LRRC37A2: variants seen among roughly 807,000 people sequenced by gnomAD.
LRRC37A2 encodes the protein leucine rich repeat containing 37 member A2.
LRRC37A2 carries 9 observed loss-of-function variants against 68.8 expected under a neutral mutation model. The ratio of observed to expected loss-of-function variants is 0.13; its 90% confidence interval spans 0.08 to 0.23. The LOEUF (loss-of-function observed/expected upper bound fraction) is 0.23, where lower values mean the gene tolerates loss of function less well. LRRC37A2 is among the 10% of genes least tolerant of loss of function. LRRC37A2 has a pLI of 1.00. For synonymous variants in LRRC37A2, 63 were observed against 367.6 expected, an observed-to-expected ratio of 0.17 and a Z score of 9.48; for missense variants, 168 against 950.4, an observed-to-expected ratio of 0.18 and a Z score of 10.82.
At chr17:46,841,309 A>G in the LRRC37A2 span, among the ~76,000 whole-genome samples, 2 of 152,212 alleles carry the variant, frequency 1.3e-5, no homozygotes, top group African/African-American at 4.8e-5. Flanking sequence ...GCTAGGAAGG[A>G]AAGCCAGAAG....
the LRRC37A2 span, chr17:46,876,591 G>T: frequency 6.2e-7 from 1 of 1,613,322 alleles, no homozygotes; most frequent in Non-Finnish European, 8.5e-7. Flanking sequence ...AGCCTGTGCT[G>T]CGGGCGGGGC....
chr17:46,864,399 C>A, the LRRC37A2 span, among the ~76,000 whole-genome samples: 1 of 152,138 alleles, frequency 6.6e-6, no homozygotes, highest in African/African-American at 2.4e-5. Context: ...CTCTATCTAG[C>A]CAAGTATGTT....
chr17:46,734,905 G>T, the LRRC37A2 span, among the ~76,000 whole-genome samples: 1 of 152,066 alleles, frequency 6.6e-6, no homozygotes, highest in South Asian at 2.1e-4. Context: ...AAAAAAGTTA[G>T]TCGAATGTGG....
At chr17:46,541,934 T>G (rs2145585111) in intron 8 of LRRC37A2, among the ~76,000 whole-genome samples, 1 of 145,194 alleles carries the variant, frequency 6.9e-6, no homozygotes, top group East Asian at 2.0e-4. Flanking sequence ...CTGAGTAGTA[T>G]TCCGGTTGTG....
At chr17:46,496,582 A>G in the LRRC37A2 span, among the ~76,000 whole-genome samples, 1 of 143,248 alleles carries the variant, frequency 7.0e-6, no homozygotes, top group South Asian at 2.2e-4. Context: ...CAGCCTGGGA[A>G]GCAGAGCAAG....
At chr17:46,752,975 G>A in the LRRC37A2 span, among the ~76,000 whole-genome samples, 3 of 152,064 alleles carry the variant, frequency 2.0e-5, no homozygotes, top group African/African-American at 7.3e-5. Context: ...CACCATGTTG[G>A]CCAAGCCGGT....
the LRRC37A2 span, among the ~76,000 whole-genome samples, chr17:46,845,753 G>T: frequency 0.2 from 28,837 of 146,658 alleles, 3,476 homozygotes; most frequent in East Asian, 0.5. Context: ...CTCCCAAAGT[G>T]CAGGGATTAC....
At chr17:46,877,271 GGGA>G in the LRRC37A2 span, among the ~76,000 whole-genome samples, 1 of 152,238 alleles carries the variant, frequency 6.6e-6, no homozygotes, top group Non-Finnish European at 1.5e-5. Context: ...GCCAGAGATG[GGGA>G]GAAAGCACAG....
At chr17:46,864,145 C>T in the LRRC37A2 span, among the ~76,000 whole-genome samples, 1 of 152,206 alleles carries the variant, frequency 6.6e-6, no homozygotes, top group Non-Finnish European at 1.5e-5. Context: ...GATCGGAGCC[C>T]AGGGTGCATT....
the LRRC37A2 span, among the ~76,000 whole-genome samples, chr17:47,014,167 G>A: frequency 2.6e-5 from 4 of 151,658 alleles, no homozygotes; most frequent in African/African-American, 7.3e-5. Context: ...CAAGGTGGGC[G>A]GATCATGAGG....
At chr17:46,840,013 TTCTTTC>T in the LRRC37A2 span, among the ~76,000 whole-genome samples, 1 of 96,030 alleles carries the variant, frequency 1.0e-5, no homozygotes, top group African/African-American at 4.4e-5. Context: ...CTTTCTTTCT[TTCTTTC>T]TTTCTTTCTT....
the LRRC37A2 span, among the ~76,000 whole-genome samples, chr17:46,986,002 A>C: frequency 6.6e-6 from 1 of 152,200 alleles, no homozygotes; most frequent in Non-Finnish European, 1.5e-5. Flanking sequence ...CGTTCTCCAA[A>C]CTGTGCTCTT....
At chr17:46,818,074 C>T in the LRRC37A2 span, among the ~76,000 whole-genome samples, 2 of 151,858 alleles carry the variant, frequency 1.3e-5, no homozygotes, top group Non-Finnish European at 2.9e-5. Flanking sequence ...TTGATGGAGG[C>T]GCCGGCAGAG....
rs904216435 is a variant in LRRC37A2 at position 46,534,742 on chromosome 17, G to T, written c.2907-5434G>T. Among the ~76,000 whole-genome samples, 8 of 150,226 alleles carry T rather than the reference G, an allele frequency of 5.3e-5. 1 individual carries two copies. Among genetic ancestry groups the T allele is most frequent in the African/African-American group, 1.8e-4 (7 of 39,852 alleles). On this transcript the variant is annotated intron_variant, in intron 6 of 14. Transcript: ENST00000576629. ...TCCCAGACGGGGTGGCGGCCGGGCA[G>T]AGGGGCTCCTCACTTCCCAGAAGGG... is the stretch of plus-strand genomic sequence containing the variant.
chr17:47,014,774 ATGAT>A, the LRRC37A2 span, among the ~76,000 whole-genome samples: 2 of 152,200 alleles, frequency 1.3e-5, no homozygotes, highest in Middle Eastern at 3.4e-3. Flanking sequence ...GGCCTTAAGA[ATGAT>A]TGCGCTACAG....
At chr17:46,907,768 A>G in the LRRC37A2 span, among the ~76,000 whole-genome samples, 1 of 150,180 alleles carries the variant, frequency 6.7e-6, no homozygotes, top group Non-Finnish European at 1.5e-5. Context: ...AGGCAGAAGG[A>G]TCGCTTGAGC....
At chr17:46,776,632 C>T in the LRRC37A2 span, among the ~76,000 whole-genome samples, 1 of 152,148 alleles carries the variant, frequency 6.6e-6, no homozygotes, top group African/African-American at 2.4e-5. Flanking sequence ...CAGCCCAGCC[C>T]TGCTGTGCCA....
At chr17:46,870,658 A>G in the LRRC37A2 span, among the ~76,000 whole-genome samples, 1 of 152,208 alleles carries the variant, frequency 6.6e-6, no homozygotes, top group African/African-American at 2.4e-5. Context: ...GCCAGGCCGC[A>G]TACCCTCTGG....
the LRRC37A2 span, among the ~76,000 whole-genome samples, chr17:47,021,012 G>A: frequency 1.3e-5 from 2 of 151,992 alleles, no homozygotes; most frequent in Non-Finnish European, 2.9e-5. Context: ...GTACAGTCTA[G>A]GCAAACGCTT....
Sources: gnomAD v4.1 joint callset for allele counts (sites outside exome capture counted in the v4.1 genomes callset) on GRCh38, gnomAD v4.1.1 for gene constraint, MANE v1.5 for transcripts, NCBI Gene and HGNC (gene_info 2026-07-23, HGNC 2026-07-21) for gene names.